THADA: variants seen among roughly 807,000 people sequenced by gnomAD.
THADA encodes tRNA (32-2'-O)-methyltransferase regulator THADA.
In THADA, 213 loss-of-function variants were observed where a neutral mutation model predicts 219.8. That is an observed-to-expected ratio of 0.97 (90% CI 0.87 to 1.09). The LOEUF (loss-of-function observed/expected upper bound fraction) is 1.09, where lower values mean the gene tolerates loss of function less well. Ranked by LOEUF, THADA falls within the 50% of genes least tolerant of loss-of-function variation. The pLI is 0.00. For missense variants in THADA, 2,956 were observed against 2,311.3 expected (o/e 1.28, Z -5.72); for synonymous variants, 1,018 against 828.9 (o/e 1.23, Z -3.92).
chr2:43,424,062 C>T (rs1158743601), intron 28 of THADA, among the ~76,000 whole-genome samples: 1 of 152,124 alleles, frequency 6.6e-6, no homozygotes, highest in Non-Finnish European at 1.5e-5. Flanking sequence ...ATAAAATACA[C>T]TGGATTTTTT....
intron 17 of THADA, among the ~76,000 whole-genome samples, chr2:43,554,613 C>T (rs571407671): frequency 6.6e-6 from 1 of 151,922 alleles, no homozygotes; most frequent in Non-Finnish European, 1.5e-5. Context: ...AATGAGATAT[C>T]GTTTTATATT....
At chr2:43,556,157 T>C in intron 17 of THADA, 188 bp downstream of exon 17, 1 of 1,240,230 alleles carries the variant, frequency 8.1e-7, no homozygotes. Flanking sequence ...ATAAATCCAC[T>C]GTTTAGAAAA....
chr2:43,482,770 G>A (rs971855113), intron 26 of THADA, among the ~76,000 whole-genome samples: 1 of 152,220 alleles, frequency 6.6e-6, no homozygotes, highest in Non-Finnish European at 1.5e-5. Flanking sequence ...ACAATCAGAT[G>A]AGTACAATCA....
chr2:43,528,718 A>G (rs1693494532), intron 21 of THADA, among the ~76,000 whole-genome samples: 2 of 152,220 alleles, frequency 1.3e-5, no homozygotes, highest in Non-Finnish European at 2.9e-5. Context: ...ACTCCAACAG[A>G]AAATCACACA....
chr2:43,251,442 G>A (rs1022204987), intron 36 of THADA, among the ~76,000 whole-genome samples: 2 of 152,218 alleles, frequency 1.3e-5, no homozygotes, highest in Non-Finnish European at 2.9e-5. Flanking sequence ...AAGCCTGCTG[G>A]TGTCCTGTTT....
chr2:43,470,270 T>A (rs1684756646), intron 26 of THADA, among the ~76,000 whole-genome samples: 2 of 147,528 alleles, frequency 1.4e-5, no homozygotes, highest in South Asian at 2.2e-4. Context: ...GTAAATAGAG[T>A]CTGAGGCCAG....
At chr2:43,534,397 C>G (rs1210658868) in intron 21 of THADA, among the ~76,000 whole-genome samples, 2 of 152,078 alleles carry the variant, frequency 1.3e-5, no homozygotes, top group African/African-American at 4.8e-5. Context: ...TATAGTCATC[C>G]TACTGTGGTA....
At chr2:43,397,047 T>G (rs1674145498) in intron 29 of THADA, among the ~76,000 whole-genome samples, 1 of 152,214 alleles carries the variant, frequency 6.6e-6, no homozygotes, top group African/African-American at 2.4e-5. Flanking sequence ...TATATGCTAC[T>G]ATTATCCTTA....
intron 22 of THADA, among the ~76,000 whole-genome samples, chr2:43,519,316 A>G (rs1692120620): frequency 6.6e-6 from 1 of 152,194 alleles, no homozygotes; most frequent in Non-Finnish European, 1.5e-5. Flanking sequence ...ATGAAATTCC[A>G]GAAAAACATT....
chr2:43,519,369 A>G (rs1180411700), intron 22 of THADA, among the ~76,000 whole-genome samples: 1 of 152,184 alleles, frequency 6.6e-6, no homozygotes, highest in African/African-American at 2.4e-5. Flanking sequence ...ATGTGTAGCT[A>G]TAGATAAATC....
At chr2:43,336,378 T>C (rs1424554771) in intron 30 of THADA, among the ~76,000 whole-genome samples, 1 of 152,056 alleles carries the variant, frequency 6.6e-6, no homozygotes, top group Non-Finnish European at 1.5e-5. Flanking sequence ...TTCAAGTGAT[T>C]CTCCTGCCTC....
At chr2:43,425,404 C>T (rs952204244) in intron 28 of THADA, among the ~76,000 whole-genome samples, 2 of 150,832 alleles carry the variant, frequency 1.3e-5, no homozygotes, top group African/African-American at 4.9e-5. Context: ...AACTGCCTAA[C>T]CAATTTTAAT....
intron 36 of THADA, among the ~76,000 whole-genome samples, chr2:43,274,418 T>C (rs1287331549): frequency 3.3e-5 from 5 of 152,204 alleles, no homozygotes; most frequent in South Asian, 2.1e-4. Context: ...CACCTGACTA[T>C]GGTGAAAAAT....
chr2:43,405,386 G>A (rs1036072784), intron 28 of THADA, among the ~76,000 whole-genome samples: 2 of 152,188 alleles, frequency 1.3e-5, no homozygotes, highest in Admixed American at 6.5e-5. Context: ...TGCACGACCT[G>A]TAAGTATTAA....
chr2:43,558,483 G>A (rs1697666723), intron 16 of THADA, among the ~76,000 whole-genome samples: 1 of 152,154 alleles, frequency 6.6e-6, no homozygotes, highest in Non-Finnish European at 1.5e-5. Context: ...CAGTGGACTG[G>A]GAAAGGCAGA....
chr2:43,570,640 T>C (rs1033811998), intron 13 of THADA, 130 bp from the exon 14 acceptor site: 11 of 949,928 alleles, frequency 1.2e-5, no homozygotes, highest in Non-Finnish European at 1.6e-5. Flanking sequence ...TAATATTTTA[T>C]AATGTTTCTT....
At chr2:43,257,754 G>C (rs1670492156) in intron 36 of THADA, among the ~76,000 whole-genome samples, 1 of 152,160 alleles carries the variant, frequency 6.6e-6, no homozygotes, top group Non-Finnish European at 1.5e-5. Flanking sequence ...TTACAGCAAG[G>C]AACATAAAAC....
chr2:43,585,091 A>G (rs1700866887), intron 7 of THADA, among the ~76,000 whole-genome samples: 1 of 152,170 alleles, frequency 6.6e-6, no homozygotes, highest in South Asian at 2.1e-4. Flanking sequence ...TGACATCTTT[A>G]GGTTTCCCCA....
At chr2:43,417,413 T>C (rs556238321) in intron 28 of THADA, among the ~76,000 whole-genome samples, 1 of 152,216 alleles carries the variant, frequency 6.6e-6, no homozygotes, top group African/African-American at 2.4e-5. Flanking sequence ...ATAAGGAAAA[T>C]TTCCTTTGTA....
Sources: gnomAD v4.1 joint callset for allele counts (sites outside exome capture counted in the v4.1 genomes callset) on GRCh38, gnomAD v4.1.1 for gene constraint, MANE v1.5 for transcripts, NCBI Gene and HGNC (gene_info 2026-07-23, HGNC 2026-07-21) for gene names.